The following ANAPC7 variants were observed in gnomAD, a reference collection of about 807,000 sequenced individuals.
ANAPC7 encodes anaphase-promoting complex subunit 7.
A neutral mutation model predicts 63.3 loss-of-function variants in ANAPC7; 25 were observed. That is an observed-to-expected ratio of 0.39 (90% CI 0.29 to 0.55). The LOEUF is 0.55. Among genes scored for constraint, ANAPC7 ranks in the 20% least tolerant of loss-of-function variants. The probability of loss-of-function intolerance (pLI) is 0.57; values close to 1 mark genes in which losing one functional copy is unlikely to be tolerated. For synonymous variants in ANAPC7, 241 were observed against 251.7 expected, an observed-to-expected ratio of 0.96 and a Z score of 0.40; for missense variants, 516 against 691.7, an observed-to-expected ratio of 0.75 and a Z score of 2.85.
In ANAPC7 at chr12:110,376,568, C is replaced by CAAAAAAAAAAAA. The variant is rs57434475; in HGVS notation, c.1358-364_1358-353dup. Among the ~76,000 whole-genome samples the CAAAAAAAAAAAA allele has an allele frequency of 2.7e-4, 17 of 62,390 alleles. 1 individual carries two copies. The highest frequency in any genetic ancestry group is 1.3e-3 in the South Asian group (2 of 1,482). The allele number at this position is 62,390 out of a possible 152,430, so 40.9% of individuals were successfully genotyped here. A position where few individuals can be genotyped will look rare whatever the true frequency, so the allele number is the denominator to read the frequency against. ...TGGGCAACAGAGCGAGACTCCATCT[C>CAAAAAAAAAAAA]AAAAAAAAAAAAAAAAAAGAAATTT... On this transcript the variant is annotated intron_variant, in intron 9 of 10. Transcript: ENST00000455511.
rs1350760980 is a variant in ANAPC7, at chr12:110,381,917, G to T, written c.967C>A (p.Arg323=). The change falls in exon 8 of 11, where the codon CGG becomes AGG. Residue 323 remains arginine (R), a synonymous_variant. Coordinates refer to ENST00000455511, the MANE Select transcript of ANAPC7 (RefSeq NM_016238.3). The part of the protein sequence containing the change: ...CHSFYSKRYS[R]ALYLGAKAIQ... ...GCCTTGGCTCCTAAATAGAGGGCCC[G>T]GGAGTAGCGTTTGCTATAGAAGCTG... 6.3e-7 allele frequency: 1 copy of T among 1,597,156 alleles called. No individual in the cohort carries two copies. Among genetic ancestry groups the T allele is most frequent in the Non-Finnish European group, 8.5e-7 (1 of 1,173,394 alleles).
intron 2 of ANAPC7, among the ~76,000 whole-genome samples, chr12:110,395,882 C>A (rs768394350): frequency 6.6e-6 from 1 of 152,172 alleles, no homozygotes; most frequent in African/African-American, 2.4e-5. Flanking sequence ...TCTAAATCAG[C>A]GGTCCCCAAC....
At position 110,374,347 on chromosome 12, in the gene ANAPC7, A is replaced by G. The variant is rs1310129429; in HGVS notation, c.1509-14T>C. ...TTGGGGTCCAAACTAGGGGACAACA[A>G]AACAAAGGAGAGGCCTGAATCTCTG... On this transcript the variant is annotated splice_polypyrimidine_tract_variant and intron_variant, in intron 10 of 10. Transcript: ENST00000455511. The G allele has an allele frequency of 1.9e-6, 3 of 1,612,158 alleles. No individual in the cohort carries two copies. The South Asian group carries it at 3.3e-5, about 18-fold the overall frequency.
chr12:110,397,807 A>C (rs1032567985), intron 1 of ANAPC7, among the ~76,000 whole-genome samples: 1 of 151,846 alleles, frequency 6.6e-6, no homozygotes, highest in African/African-American at 2.4e-5. Flanking sequence ...AGACAGGAGA[A>C]TCGCTTGAAC....
chr12:110,400,586 G>GT (rs200045076), intron 1 of ANAPC7, among the ~76,000 whole-genome samples: 28,887 of 152,098 alleles, frequency 0.19, 3,039 homozygotes, highest in Admixed American at 0.28. Context: ...AGAACTAAGA[G>GT]TAACTAGGGC....
chr12:110,384,020 G>A (rs772281431), intron 6 of ANAPC7, among the ~76,000 whole-genome samples: 1 of 151,320 alleles, frequency 6.6e-6, no homozygotes, highest in Non-Finnish European at 1.5e-5. Flanking sequence ...GGCCAAGATG[G>A]TGAAACCCCG....
chr12:110,386,713 A>T, intron 5 of ANAPC7: 1 of 424,506 alleles, frequency 2.4e-6, no homozygotes, highest in Non-Finnish European at 4.2e-6. Context: ...TCTTCAGAAC[A>T]CAACATACGC....
chr12:110,395,693 C>CA (rs1357665104), intron 2 of ANAPC7, among the ~76,000 whole-genome samples: 1 of 151,278 alleles, frequency 6.6e-6, no homozygotes, highest in East Asian at 1.9e-4. Context: ...CATCCACCAC[C>CA]ATGCCTGGCT....
intron 3 of ANAPC7, among the ~76,000 whole-genome samples, chr12:110,389,559 T>G (rs944712944): frequency 6.6e-6 from 1 of 152,232 alleles, no homozygotes; most frequent in African/African-American, 2.4e-5. Flanking sequence ...CAGCTGCATT[T>G]TAGCGTAATT....
intron 3 of ANAPC7, among the ~76,000 whole-genome samples, chr12:110,391,146 T>C (rs1287026288): frequency 6.6e-6 from 1 of 152,078 alleles, no homozygotes; most frequent in East Asian, 1.9e-4. Flanking sequence ...GCTGAGATCA[T>C]GCCATTGCAC....
chr12:110,400,221 T>C (rs1447056651), intron 1 of ANAPC7, among the ~76,000 whole-genome samples: 1 of 152,210 alleles, frequency 6.6e-6, no homozygotes, highest in Non-Finnish European at 1.5e-5. Context: ...TATTATTACA[T>C]CCACAGAAAG....
chr12:110,396,516 C>CTTT, intron 1 of ANAPC7, 64 bp from the exon 2 acceptor site: 15 of 1,036,912 alleles, frequency 1.4e-5, no homozygotes, highest in Admixed American at 3.2e-5. Context: ...CCCCCAGCTT[C>CTTT]TTTTTTTTTT....
chr12:110,389,276 T>C (rs1267057354), intron 3 of ANAPC7, among the ~76,000 whole-genome samples: 2 of 152,114 alleles, frequency 1.3e-5, no homozygotes, highest in Non-Finnish European at 2.9e-5. Flanking sequence ...ACTTGATTCT[T>C]TCTTGATCTT....
Position 110,403,702 on chromosome 12 carries a change from C to G in ANAPC7, c.-75G>C, listed in dbSNP as rs1381121962. On this transcript the variant is annotated 5_prime_UTR_variant, in exon 1 of 11. Transcript: ENST00000455511. ...CGGTAGAGGATCCTTAGGGAAGACTCCAAAATGGCGGCGTCGCCGGGGTCC... is the reference window on the plus strand; with the variant it reads ...CGGTAGAGGATCCTTAGGGAAGACTGCAAAATGGCGGCGTCGCCGGGGTCC... The G allele has an allele frequency of 3.9e-6, 6 of 1,551,850 alleles. No individual in the cohort carries two copies. The Admixed American group carries it at 5.9e-5, about 15-fold the overall frequency.
Position 110,395,108 on chromosome 12 carries a change from G to C in ANAPC7, c.401C>G (p.Thr134Ser), listed in dbSNP as rs998611470. 3 of 1,612,480 alleles carry C rather than the reference G, an allele frequency of 1.9e-6. No homozygotes were observed. The Admixed American group carries it at 5.0e-5, about 27-fold the overall frequency. Residue 134 changes from threonine to serine, a missense_variant, in exon 3 of 11, where the codon ACT becomes AGT. Thr to Ser is a moderately conservative substitution (Grantham distance 58). Coordinates refer to ENST00000455511, the MANE Select transcript of ANAPC7 (RefSeq NM_016238.3). ...CATAAACATTCAACTTACTTTGGGA[G>C]TTCTTTGTCTTGAAGGGATCCCATC... The part of the protein sequence containing the change: ...ILDGIPSRQR[T>S]PKINMMLANL...
intron 5 of ANAPC7, chr12:110,387,335 G>GAGAGAGAGAGGGA (rs1566269122): frequency 4.5e-5 from 1 of 22,222 alleles, no homozygotes; most frequent in Non-Finnish European, 8.0e-5. Context: ...GAGAGAGAGA[G>GAGAGAGAGAGGGA]GCAGAGAGAG....
chr12:110,381,674 G>A, intron 8 of ANAPC7, 78 bp downstream of exon 8: 1 of 1,404,112 alleles, frequency 7.1e-7, no homozygotes, highest in Non-Finnish European at 9.8e-7. Flanking sequence ...GGGAAGTGCT[G>A]GCCTAATGAA....
intron 1 of ANAPC7, among the ~76,000 whole-genome samples, chr12:110,402,070 T>C (rs1306817163): frequency 6.6e-6 from 1 of 150,800 alleles, no homozygotes; most frequent in Non-Finnish European, 1.5e-5. Context: ...AGCTACTTGG[T>C]TGGCTGAGGC....
intron 6 of ANAPC7, among the ~76,000 whole-genome samples, chr12:110,384,156 T>G (rs974010823): frequency 1.4e-4 from 22 of 151,766 alleles, no homozygotes; most frequent in African/African-American, 3.1e-4. Context: ...GAGCCGAGAT[T>G]GCACCACTGC....
Sources: allele counts gnomAD v4.1 joint callset (sites outside exome capture counted in the v4.1 genomes callset), GRCh38; gene constraint gnomAD v4.1.1; transcripts MANE v1.5; gene names NCBI Gene and HGNC (gene_info 2026-07-23, HGNC 2026-07-21).